Variants in WDR72 observed in about 807,000 individuals in gnomAD.
WDR72 encodes WD repeat domain 72.
A neutral mutation model predicts 124.2 loss-of-function variants in WDR72; 120 were observed. The ratio of observed to expected loss-of-function variants is 0.97; its 90% CI spans 0.83 to 1.12. The LOEUF (loss-of-function observed/expected upper bound fraction) is 1.12. Ranked by LOEUF, WDR72 falls within the 50% of genes most tolerant of loss-of-function variation. WDR72 has a pLI of 0.00. For missense variants in WDR72, 1,387 were observed against 1,278.8 expected, an observed-to-expected ratio of 1.08 and a Z score of -1.29; for synonymous variants, 452 against 441.7, an observed-to-expected ratio of 1.02 and a Z score of -0.29.
At chr15:53,715,766 C>T (rs997444156) in intron 4 of WDR72, among the ~76,000 whole-genome samples, 27 of 152,190 alleles carry the variant, frequency 1.8e-4, no homozygotes, top group African/African-American at 5.1e-4. Flanking sequence ...TTGAGGTTGC[C>T]GTTAGCACCA....
chr15:53,647,432 C>A (rs1364532788), intron 14 of WDR72, among the ~76,000 whole-genome samples: 1 of 151,956 alleles, frequency 6.6e-6, no homozygotes, highest in African/African-American at 2.4e-5. Flanking sequence ...ATTATAACAC[C>A]TAAGGAGATC....
intron 13 of WDR72, among the ~76,000 whole-genome samples, chr15:53,682,304 T>C (rs1451786662): frequency 6.6e-6 from 1 of 151,538 alleles, no homozygotes; most frequent in African/African-American, 2.4e-5. Context: ...ACGACTGTGG[T>C]GGGCCTGTGG....
chr15:53,573,061 A>G (rs778029212), intron 18 of WDR72, among the ~76,000 whole-genome samples: 81 of 152,320 alleles, frequency 5.3e-4, no homozygotes, highest in Admixed American at 1.9e-3. Flanking sequence ...TTTCATGGTC[A>G]TGGATTCCAA....
At chr15:53,716,502 A>G in intron 4 of WDR72, 105 bp downstream of exon 4, 1 of 846,322 alleles carries the variant, frequency 1.2e-6, no homozygotes, top group South Asian at 1.4e-5. Context: ...ATAAAAATTC[A>G]AGCAAAGAAT....
intron 18 of WDR72, among the ~76,000 whole-genome samples, chr15:53,536,191 C>T (rs1175919245): frequency 6.6e-6 from 1 of 150,424 alleles, no homozygotes; most frequent in East Asian, 1.9e-4. Context: ...GAGAGCCACC[C>T]CCTTTTTCCT....
intron 17 of WDR72, among the ~76,000 whole-genome samples, chr15:53,602,944 T>C (rs1461776009): frequency 6.6e-6 from 1 of 151,894 alleles, no homozygotes; most frequent in Admixed American, 6.6e-5. Flanking sequence ...TGAAACTATT[T>C]CAAAAAATAG....
intron 16 of WDR72, among the ~76,000 whole-genome samples, chr15:53,613,122 T>G (rs552604054): frequency 2.3e-4 from 35 of 152,198 alleles, no homozygotes; most frequent in Admixed American, 1.0e-3. Context: ...TGTCCCAAAC[T>G]TGGAAAAGCA....
intron 18 of WDR72, among the ~76,000 whole-genome samples, chr15:53,546,415 CA>C (rs1302860087): frequency 6.1e-5 from 9 of 147,966 alleles, no homozygotes; most frequent in African/African-American, 2.3e-4. Context: ...ATCGCAAGAA[CA>C]AAAAACCAAA....
intron 18 of WDR72, among the ~76,000 whole-genome samples, chr15:53,533,080 A>C (rs1382991140): frequency 1.3e-5 from 2 of 152,098 alleles, no homozygotes; most frequent in African/African-American, 4.8e-5. Flanking sequence ...CGAGCAACAC[A>C]ATCAACCAAC....
chr15:53,549,003 G>C (rs780948702), intron 18 of WDR72, among the ~76,000 whole-genome samples: 1 of 152,066 alleles, frequency 6.6e-6, no homozygotes, highest in South Asian at 2.1e-4. Context: ...CCATGCCCCA[G>C]GTATAAAGAA....
At chr15:53,518,832 A>G (rs541959707) in intron 19 of WDR72, among the ~76,000 whole-genome samples, 2 of 152,194 alleles carry the variant, frequency 1.3e-5, no homozygotes, top group Admixed American at 6.6e-5. Context: ...TGAGAAATCT[A>G]GTTTTGGTCA....
chr15:53,657,571 G>GT (rs35046299), intron 14 of WDR72, among the ~76,000 whole-genome samples: 6,476 of 152,142 alleles, frequency 0.043, 170 homozygotes, highest in Non-Finnish European at 0.053. Context: ...TACAAATGGA[G>GT]TATTTAATCC....
At chr15:53,722,750 T>C in intron 3 of WDR72, 52 bp downstream of exon 3, 1 of 1,541,160 alleles carries the variant, frequency 6.5e-7, no homozygotes, top group South Asian at 1.1e-5. Flanking sequence ...ATTGTAGTTT[T>C]TAAAAAGGGA....
At chr15:53,651,024 C>T (rs1433936250) in intron 14 of WDR72, among the ~76,000 whole-genome samples, 1 of 149,962 alleles carries the variant, frequency 6.7e-6, no homozygotes, top group Non-Finnish European at 1.5e-5. Flanking sequence ...AAGCTTCTTA[C>T]TTTGGATTAT....
At chr15:53,656,837 G>A (rs1375505404) in intron 14 of WDR72, among the ~76,000 whole-genome samples, 1 of 151,874 alleles carries the variant, frequency 6.6e-6, no homozygotes, top group Non-Finnish European at 1.5e-5. Context: ...CTCAATAACA[G>A]AGCATCCAAA....
At chr15:53,762,693 G>A (rs2140911650), upstream of WDR72, 1 of 152,278 alleles carries the variant, frequency 6.6e-6, no homozygotes, top group South Asian at 2.1e-4. Flanking sequence ...AGTCGCAAAT[G>A]TAGAAAGAGG....
At position 53,514,442 on chromosome 15, in the gene WDR72, T is replaced by C. The variant is rs1891326907; in HGVS notation, c.*3257A>G. 1 of 152,168 alleles carries C rather than the reference T, an allele frequency of 6.6e-6. No homozygotes were observed. Among genetic ancestry groups the C allele is most frequent in the African/African-American group, 2.4e-5 (1 of 41,452 alleles). The allele number at this position is 152,168 out of a possible 1,614,324, so 9.4% of individuals were successfully genotyped here. A position where few individuals can be genotyped will look rare whatever the true frequency, so the allele number is the denominator to read the frequency against. ...AATACTCAATTATTATAATGTGCCC[T>C]CTAAGGATGGAAGAGAAATAGTATC... On this transcript the variant is annotated 3_prime_UTR_variant, in exon 20 of 20. Coordinates refer to ENST00000360509, the MANE Select transcript of WDR72 (RefSeq NM_182758.4).
intron 18 of WDR72, among the ~76,000 whole-genome samples, chr15:53,548,441 C>T (rs960367959): frequency 2.6e-5 from 4 of 152,134 alleles, no homozygotes; most frequent in African/African-American, 9.7e-5. Flanking sequence ...GGATCATGTA[C>T]AGAATTTCGG....
intron 12 of WDR72, 127 bp downstream of exon 12, chr15:53,702,007 T>C: frequency 1.6e-6 from 1 of 606,450 alleles, no homozygotes; most frequent in East Asian, 3.0e-5. Flanking sequence ...CCAGTTGTAT[T>C]ATAAGTACAT....
Sources: allele counts gnomAD v4.1 joint callset (sites outside exome capture counted in the v4.1 genomes callset), GRCh38; gene constraint gnomAD v4.1.1; transcripts MANE v1.5; gene names NCBI Gene and HGNC (gene_info 2026-07-23, HGNC 2026-07-21).